Variants in COMMD10 observed in about 807,000 individuals in gnomAD.
The protein encoded by COMMD10 is COMM domain-containing protein 10.
In COMMD10, 33 loss-of-function variants were observed where a neutral mutation model predicts 28.9. The observed-to-expected ratio is 1.14, with a 90% CI of 0.87 to 1.53. The LOEUF is 1.53. COMMD10 is among the 40% of genes most tolerant of loss of function. The pLI, the probability that COMMD10 is intolerant of heterozygous loss-of-function variation, is 0.00. For missense variants in COMMD10, 310 were observed against 233.4 expected, an observed-to-expected ratio of 1.33 and a Z score of -2.14; for synonymous variants, 110 against 81.7, an observed-to-expected ratio of 1.35 and a Z score of -1.87.
At chr5:116,287,542 CT>C (rs1751251386) in intron 5 of COMMD10, among the ~76,000 whole-genome samples, 1 of 151,630 alleles carries the variant, frequency 6.6e-6, no homozygotes, top group Admixed American at 6.6e-5. Flanking sequence ...CAGCCTGTAT[CT>C]TTTGATTGGG....
intron 5 of COMMD10, among the ~76,000 whole-genome samples, chr5:116,161,971 A>T (rs987536456): frequency 5.3e-5 from 8 of 152,220 alleles, no homozygotes; most frequent in African/African-American, 1.7e-4. Flanking sequence ...ATGAGAAACC[A>T]GAAGTTTTTC....
intron 4 of COMMD10, among the ~76,000 whole-genome samples, chr5:116,095,955 T>G (rs954985247): frequency 1.3e-5 from 2 of 152,142 alleles, no homozygotes; most frequent in African/African-American, 2.4e-5. Flanking sequence ...AATCTCTCTT[T>G]GATTTCATTG....
At chr5:116,275,136 A>C (rs749049516) in intron 5 of COMMD10, among the ~76,000 whole-genome samples, 3 of 151,766 alleles carry the variant, frequency 2.0e-5, no homozygotes, top group African/African-American at 7.3e-5. Flanking sequence ...CTTGTGCTTC[A>C]TCTTTGATTC....
At position 116,165,207 on chromosome 5, in the gene COMMD10, G is replaced by C. The variant is rs370256038; in HGVS notation, c.510+31029G>C. 9.2e-5 allele frequency among the ~76,000 whole-genome samples: 14 copies of C among 152,226 alleles called. No homozygotes were observed. The East Asian group carries it at 1.9e-3, about 21-fold the overall frequency. On this transcript the variant is annotated intron_variant, in intron 5 of 6. Coordinates refer to ENST00000274458, the MANE Select transcript of COMMD10 (RefSeq NM_016144.4). ...GAATTATCTGGTTCCATTGATGAGG[G>C]AGTGCCTATGGTGAAAAGCATACCT...
At chr5:116,086,062 C>G (rs1224126620) in intron 1 of COMMD10, among the ~76,000 whole-genome samples, 1 of 152,154 alleles carries the variant, frequency 6.6e-6, no homozygotes, top group Non-Finnish European at 1.5e-5. Context: ...TGAAGGGCCC[C>G]TACAGAATTT....
chr5:116,226,160 G>C (rs1749389181), intron 5 of COMMD10, among the ~76,000 whole-genome samples: 1 of 151,834 alleles, frequency 6.6e-6, no homozygotes, highest in African/African-American at 2.4e-5. Flanking sequence ...GTCTGCATTT[G>C]AAAGTTTGAA....
chr5:116,143,441 G>T (rs1309663917), intron 5 of COMMD10, among the ~76,000 whole-genome samples: 2 of 151,768 alleles, frequency 1.3e-5, no homozygotes, highest in East Asian at 1.9e-4. Context: ...AGGCAATTTA[G>T]AATTAAAATA....
intron 5 of COMMD10, among the ~76,000 whole-genome samples, chr5:116,203,758 C>A (rs375449479): frequency 1.3e-5 from 2 of 151,874 alleles, no homozygotes; most frequent in Non-Finnish European, 2.9e-5. Flanking sequence ...CATGGAAAGG[C>A]ACAACTGGTA....
chr5:116,258,320 A>G (rs187317197), intron 5 of COMMD10, among the ~76,000 whole-genome samples: 142 of 151,886 alleles, frequency 9.3e-4, no homozygotes, highest in Non-Finnish European at 1.7e-3. Context: ...TTACTATCCT[A>G]GAATGCTTTT....
chr5:116,203,143 A>C (rs1271761305), intron 5 of COMMD10, among the ~76,000 whole-genome samples: 2 of 152,178 alleles, frequency 1.3e-5, no homozygotes, highest in African/African-American at 4.8e-5. Context: ...TTAAATAGGG[A>C]ATCCTTTCCC....
At chr5:116,163,072 C>G (rs576923183) in intron 5 of COMMD10, among the ~76,000 whole-genome samples, 1 of 151,914 alleles carries the variant, frequency 6.6e-6, no homozygotes, top group Non-Finnish European at 1.5e-5. Context: ...TAAGAAGAGT[C>G]TTGACTTAAA....
chr5:116,125,923 G>A (rs547195276), intron 4 of COMMD10, among the ~76,000 whole-genome samples: 1 of 152,088 alleles, frequency 6.6e-6, no homozygotes, highest in Non-Finnish European at 1.5e-5. Context: ...GGAAGTTCTG[G>A]CCAGGCCAAG....
At chr5:116,091,014 T>A in intron 2 of COMMD10, 65 bp from the exon 3 acceptor site, 1 of 918,144 alleles carries the variant, frequency 1.1e-6, no homozygotes. Context: ...ATGAATCTTC[T>A]GTCAAGTATG....
At chr5:116,245,058 A>AG (rs1165409616) in intron 5 of COMMD10, among the ~76,000 whole-genome samples, 2 of 151,752 alleles carry the variant, frequency 1.3e-5, no homozygotes, top group Non-Finnish European at 2.9e-5. Context: ...TTTTGAAAAA[A>AG]AAAATTAATA....
At chr5:116,202,754 T>G (rs1216191439) in intron 5 of COMMD10, among the ~76,000 whole-genome samples, 1 of 151,254 alleles carries the variant, frequency 6.6e-6, no homozygotes, top group Non-Finnish European at 1.5e-5. Context: ...TCTTGTAAAT[T>G]TGTTTGAGTT....
intron 5 of COMMD10, among the ~76,000 whole-genome samples, chr5:116,155,589 T>G (rs1238010299): frequency 5.9e-5 from 9 of 152,114 alleles, no homozygotes; most frequent in Non-Finnish European, 1.3e-4. Context: ...TATAGATGAT[T>G]GCTGCTAATT....
At position 116,282,419 on chromosome 5, in the gene COMMD10, G is replaced by A. The variant is rs534335055; in HGVS notation, c.511-9098G>A. 3.3e-5 allele frequency among the ~76,000 whole-genome samples: 5 copies of A among 151,910 alleles called. No individual in the cohort carries two copies. In the South Asian group the frequency reaches 1.0e-3, roughly 31 times the overall value. On this transcript the variant is annotated intron_variant, in intron 5 of 6. Transcript: ENST00000274458. ...AGTTCTAATTCATTTCCAAATAAAA[G>A]CCAAAGTAAGTTCTTAAATATGTAA...
intron 4 of COMMD10, among the ~76,000 whole-genome samples, chr5:116,120,167 C>G (rs1264310058): frequency 6.6e-6 from 1 of 152,100 alleles, no homozygotes; most frequent in East Asian, 1.9e-4. Context: ...GAGTACTACT[C>G]AGCCATAAAA....
intron 5 of COMMD10, among the ~76,000 whole-genome samples, chr5:116,288,803 T>C (rs191245000): frequency 1.3e-5 from 2 of 151,652 alleles, no homozygotes; most frequent in Non-Finnish European, 2.9e-5. Flanking sequence ...GTTTCTGTGT[T>C]TTTCTTGATG....
Sources: gnomAD v4.1 joint callset for allele counts (sites outside exome capture counted in the v4.1 genomes callset) on GRCh38, gnomAD v4.1.1 for gene constraint, MANE v1.5 for transcripts, NCBI Gene and HGNC (gene_info 2026-07-23, HGNC 2026-07-21) for gene names.